The following NRDC variants were observed in gnomAD, a reference collection of about 807,000 sequenced individuals.
The protein encoded by NRDC is nardilysin.
In NRDC, 54 loss-of-function variants were observed where a neutral mutation model predicts 147.1. The ratio of observed to expected loss-of-function variants is 0.37; its 90% CI spans 0.29 to 0.46. The LOEUF (loss-of-function observed/expected upper bound fraction) is 0.46. Among genes scored for constraint, NRDC ranks in the 20% least tolerant of loss-of-function variants. The pLI, the probability that NRDC is intolerant of heterozygous loss-of-function variation, is 1.00. For missense variants in NRDC, 1,082 were observed against 1,370.6 expected (o/e 0.79, Z 3.33); for synonymous variants, 440 against 482.1 (o/e 0.91, Z 1.14).
chr1:51,791,611 G>GA lies in NRDC; in HGVS notation c.2926dup (p.Ser976PhefsTer14). On this transcript the variant is annotated frameshift_variant, in exon 27 of 31. Transcript: ENST00000352171. LOFTEE classifies it high-confidence loss of function. The stretch of plus-strand genomic sequence containing the variant: ...GGTTGCCTGAGTCCCCACAGTGACA[G>GA]AAAATCCTAGAATCCCGGATGTGTT... The GA allele has an allele frequency of 6.2e-7, 1 of 1,613,950 alleles. No individual in the cohort carries two copies. Among genetic ancestry groups the GA allele is most frequent in the Non-Finnish European group, 8.5e-7 (1 of 1,179,820 alleles).
chr1:51,827,844 G>C lies in NRDC; in HGVS notation c.892C>G (p.Leu298Val). 1.9e-6 allele frequency: 3 copies of C among 1,613,960 alleles called. No homozygotes were observed. Among genetic ancestry groups the C allele is most frequent in the East Asian group, 2.2e-5 (1 of 44,830 alleles). ...CGGTCAATTGCATCTCTGATCATTA[G>C]TGGGTGGATGAAGAACTGCGCCCAT... ...DRWAQFFIHP[L>V]MIRDAIDREV... is the part of the protein sequence containing the mutation. Residue 298 changes from leucine to valine, a missense_variant, in exon 5 of 31, where the codon CTA (leucine) becomes GTA (valine). Coordinates refer to ENST00000352171, the MANE Select transcript of NRDC (RefSeq NM_001101662.2).
At chr1:51,860,581 T>C (rs1472521425) in intron 1 of NRDC, among the ~76,000 whole-genome samples, 2 of 152,224 alleles carry the variant, frequency 1.3e-5, no homozygotes, top group African/African-American at 4.8e-5. Flanking sequence ...AGTTTACTTC[T>C]ATCTACTTTT....
intron 11 of NRDC, 69 bp from the exon 12 acceptor site, chr1:51,814,882 C>A: frequency 4.9e-6 from 7 of 1,428,666 alleles, no homozygotes; most frequent in Non-Finnish European, 6.5e-6. Context: ...TTCAAATTAA[C>A]AAAATATAGA....
rs1410328278 is a variant in NRDC, at chr1:51,848,968, T to A, written c.342-8454A>T. ...TAAACAGCCAACATTAGGAAAACTT[T>A]ACAGGTGAAATGAAAGACCTCACTA... On this transcript the variant is annotated intron_variant, in intron 1 of 30. Transcript: ENST00000352171. 2.6e-5 allele frequency among the ~76,000 whole-genome samples: 4 copies of A among 152,176 alleles called. No individual in the cohort carries two copies. In the East Asian group the frequency reaches 5.8e-4, roughly 22 times the overall value.
chr1:51,853,417 G>C (rs140492831), intron 1 of NRDC, among the ~76,000 whole-genome samples: 3 of 152,018 alleles, frequency 2.0e-5, no homozygotes, highest in Non-Finnish European at 4.4e-5. Flanking sequence ...CAGAAATCCC[G>C]TATCTTAGCT....
chr1:51,855,819 G>T (rs2124036571), intron 1 of NRDC, among the ~76,000 whole-genome samples: 1 of 152,096 alleles, frequency 6.6e-6, no homozygotes, highest in East Asian at 1.9e-4. Flanking sequence ...GTTGCAGTGA[G>T]CCAAGATTGC....
At chr1:51,806,319 C>T (rs1161934637) in intron 18 of NRDC, among the ~76,000 whole-genome samples, 1 of 152,104 alleles carries the variant, frequency 6.6e-6, no homozygotes, top group Non-Finnish European at 1.5e-5. Context: ...ATTCTTATCT[C>T]TTTTTAAAAA....
At chr1:51,873,431 A>G (rs952644467) in intron 1 of NRDC, among the ~76,000 whole-genome samples, 2 of 152,054 alleles carry the variant, frequency 1.3e-5, no homozygotes, top group Admixed American at 1.3e-4. Flanking sequence ...AATAGCCTGT[A>G]CCTTATTCAG....
At chr1:51,836,450 A>G (rs1328295400) in intron 2 of NRDC, 1 of 1,613,036 alleles carries the variant, frequency 6.2e-7, no homozygotes, top group South Asian at 1.1e-5. Flanking sequence ...TAAGGAAAAA[A>G]AGCAGAAACA....
chr1:51,827,701 G>T, intron 5 of NRDC, 95 bp downstream of exon 5: 1 of 914,028 alleles, frequency 1.1e-6, no homozygotes, highest in Non-Finnish European at 1.7e-6. Context: ...AAAATATAAA[G>T]ATAAAATGGT....
intron 16 of NRDC, among the ~76,000 whole-genome samples, chr1:51,809,900 T>C (rs1351149981): frequency 6.7e-6 from 1 of 149,322 alleles, no homozygotes; most frequent in African/African-American, 2.5e-5. Flanking sequence ...AGCAAAACTC[T>C]GTCTCAAAAA....
At chr1:51,814,134 G>C in intron 13 of NRDC, 45 bp from the exon 14 acceptor site, 2 of 1,278,240 alleles carry the variant, frequency 1.6e-6, no homozygotes, top group Non-Finnish European at 2.3e-6. Context: ...TAAAATTTCT[G>C]CCTACTTGAG....
chr1:51,863,271 G>A (rs781115479), intron 1 of NRDC, among the ~76,000 whole-genome samples: 2 of 151,814 alleles, frequency 1.3e-5, no homozygotes, highest in Admixed American at 6.6e-5. Context: ...GCATGGTGGC[G>A]TACGTCTGTA....
intron 2 of NRDC, chr1:51,836,428 C>G (rs370214507): frequency 6.2e-7 from 1 of 1,613,732 alleles, no homozygotes; most frequent in Non-Finnish European, 8.5e-7. Flanking sequence ...AAATGCTGAA[C>G]AGGTGCAGAC....
intron 1 of NRDC, among the ~76,000 whole-genome samples, chr1:51,841,874 A>G (rs1344882508): frequency 6.6e-6 from 1 of 152,232 alleles, no homozygotes; most frequent in Non-Finnish European, 1.5e-5. Context: ...ATGCAAAGAA[A>G]GACAAGGAAG....
chr1:51,792,417 G>A lies in NRDC; in HGVS notation c.2783C>T (p.Thr928Ile). ...SEVTVYYQSGTRSLREYTLME... is the reference protein window; with the variant it reads ...SEVTVYYQSGIRSLREYTLME... ...AAGCGTATATTCTCTTAGACTCCTG[G>A]TACCTGACTGAAAAGAGAAGGTTGT... Residue 928 changes from threonine to isoleucine, a missense_variant, in exon 25 of 31, where the codon ACC (threonine) becomes ATC (isoleucine). Physicochemically the swap from Thr to Ile is moderately conservative, Grantham distance 89 (BLOSUM62 -1). Coordinates refer to ENST00000352171, the MANE Select transcript of NRDC (RefSeq NM_001101662.2). The A allele has an allele frequency of 6.2e-7, 1 of 1,614,018 alleles. No individual in the cohort carries two copies. Among genetic ancestry groups the A allele is most frequent in the South Asian group, 1.1e-5 (1 of 91,084 alleles).
intron 29 of NRDC, 45 bp downstream of exon 29, chr1:51,790,488 G>C (rs1406575781): frequency 1.6e-6 from 2 of 1,233,090 alleles, no homozygotes; most frequent in Admixed American, 1.7e-5. Flanking sequence ...GTAGAATCAG[G>C]AACCTTGACC....
intron 2 of NRDC, 60 bp downstream of exon 2, chr1:51,840,165 CT>C (rs1390163070): frequency 1.5e-6 from 2 of 1,358,272 alleles, no homozygotes; most frequent in Non-Finnish European, 2.0e-6. Context: ...AAAAATAAAG[CT>C]TGAGTTTAGA....
At chr1:51,817,729 G>C (rs559571458) in intron 10 of NRDC, among the ~76,000 whole-genome samples, 1 of 152,084 alleles carries the variant, frequency 6.6e-6, no homozygotes, top group Non-Finnish European at 1.5e-5. Context: ...ATTTTTAGTC[G>C]AGACAGGGTT....
Sources: gnomAD v4.1 joint callset for allele counts (sites outside exome capture counted in the v4.1 genomes callset) on GRCh38, gnomAD v4.1.1 for gene constraint, MANE v1.5 for transcripts, NCBI Gene and HGNC (gene_info 2026-07-23, HGNC 2026-07-21) for gene names.